Variants in SLC44A1 observed in about 807,000 individuals in gnomAD.
SLC44A1 encodes the protein solute carrier family 44 member 1, also known as choline transporter-like protein 1.
SLC44A1 carries 26 observed loss-of-function variants against 79.3 expected under a neutral mutation model. That is an observed-to-expected ratio of 0.33 (90% CI 0.24 to 0.46). The LOEUF is 0.46. SLC44A1 is among the 20% of genes least tolerant of loss of function. The probability of loss-of-function intolerance (pLI) is 1.00; values close to 1 mark genes in which losing one functional copy is unlikely to be tolerated. For missense variants in SLC44A1, 688 were observed against 798.1 expected (o/e 0.86, Z 1.66); for synonymous variants, 263 against 286.2 (o/e 0.92, Z 0.82).
At chr9:105,251,516 A>G (rs1314659775) in intron 1 of SLC44A1, among the ~76,000 whole-genome samples, 1 of 151,832 alleles carries the variant, frequency 6.6e-6, no homozygotes, top group Admixed American at 6.6e-5. Context: ...CCTACTTAAA[A>G]CCCTTTAATG....
rs371480286 is a variant in SLC44A1 at position 105,297,874 on chromosome 9, A to G, written c.37-1346A>G. 1.8e-4 allele frequency among the ~76,000 whole-genome samples: 27 copies of G among 152,210 alleles called. No individual in the cohort carries two copies. The East Asian group carries it at 2.3e-3, about 13-fold the overall frequency. ...CTTTCCTCCTGACAAGACTTTTCCA[A>G]ATAGCTTCCTGGATCTTGTCACGGA... is the stretch of plus-strand genomic sequence containing the variant. On this transcript the variant is annotated intron_variant, in intron 1 of 15. Coordinates refer to ENST00000374720, the MANE Select transcript of SLC44A1 (RefSeq NM_080546.5).
chr9:105,435,373 G>C (rs1038670030), intron 15 of SLC44A1, among the ~76,000 whole-genome samples: 1 of 152,196 alleles, frequency 6.6e-6, no homozygotes, highest in Non-Finnish European at 1.5e-5. Flanking sequence ...CGAGAAAGGA[G>C]TCAGCAAAGA....
At chr9:105,328,337 T>C (rs566814098) in intron 3 of SLC44A1, among the ~76,000 whole-genome samples, 2 of 152,266 alleles carry the variant, frequency 1.3e-5, no homozygotes, top group South Asian at 2.1e-4. Flanking sequence ...GAGTGGAAAG[T>C]TGGCGTTTTA....
At chr9:105,246,766 G>T (rs1057028518) in intron 1 of SLC44A1, among the ~76,000 whole-genome samples, 1 of 152,172 alleles carries the variant, frequency 6.6e-6, no homozygotes, top group Non-Finnish European at 1.5e-5. Context: ...AGCTTGTTCA[G>T]TGCATGAACA....
intron 4 of SLC44A1, among the ~76,000 whole-genome samples, chr9:105,340,048 A>G (rs1827039892): frequency 6.6e-6 from 1 of 152,202 alleles, no homozygotes; most frequent in Admixed American, 6.5e-5. Context: ...GGAGAGGGAA[A>G]AAGGGAGTTG....
At chr9:105,263,139 A>G (rs1829879674) in intron 1 of SLC44A1, among the ~76,000 whole-genome samples, 1 of 152,250 alleles carries the variant, frequency 6.6e-6, no homozygotes, top group African/African-American at 2.4e-5. Flanking sequence ...CTACCAAGGT[A>G]GCCATGAATT....
chr9:105,356,083 G>A (rs1827613781), intron 5 of SLC44A1, 129 bp from the exon 6 acceptor site: 1 of 699,848 alleles, frequency 1.4e-6, no homozygotes, highest in Non-Finnish European at 2.5e-6. Context: ...ACAGCTCTTA[G>A]CTCCCATAAT....
intron 13 of SLC44A1, among the ~76,000 whole-genome samples, chr9:105,378,349 C>A (rs1828358964): frequency 6.6e-6 from 1 of 152,210 alleles, no homozygotes; most frequent in African/African-American, 2.4e-5. Context: ...TAACACTTTT[C>A]TAACTATGGT....
chr9:105,396,411 C>A lies in SLC44A1; in HGVS notation c.*7355C>A. 2.0e-6 allele frequency: 2 copies of A among 985,400 alleles called. No homozygotes were observed. Among genetic ancestry groups the A allele is most frequent in the Non-Finnish European group, 2.4e-6 (2 of 829,936 alleles). 61.0% of individuals were successfully genotyped at this position (985,400 alleles called of 1,614,324 possible). On this transcript the variant is annotated 3_prime_UTR_variant, in exon 16 of 16. Coordinates refer to ENST00000374720, the MANE Select transcript of SLC44A1 (RefSeq NM_080546.5). Reference sequence around the variant, plus strand: ...CTTCAAAAAACAACCAAAGACAAAACCCTATCTTCTGAAGACCAAAGGTCC... The same window carrying A: ...CTTCAAAAAACAACCAAAGACAAAAACCTATCTTCTGAAGACCAAAGGTCC...
intron 15 of SLC44A1, among the ~76,000 whole-genome samples, chr9:105,419,024 T>G (rs551203623): frequency 5.3e-5 from 8 of 152,264 alleles, no homozygotes; most frequent in Middle Eastern, 3.4e-3. Flanking sequence ...GTTGGCAGAT[T>G]GTAACTGAAC....
In SLC44A1 at chr9:105,356,335, A is replaced by T; in HGVS notation, c.624A>T (p.Val208=). The T allele has an allele frequency of 6.2e-7, 1 of 1,607,496 alleles. No individual in the cohort carries two copies. The change falls in exon 6 of 16, where the codon GTA becomes GTT. Residue 208 remains valine (V), a synonymous_variant. Transcript: ENST00000374720. ...NSVLHRLISG[V]MTSKEIILGL... is the part of the protein sequence containing the mutation. The stretch of plus-strand genomic sequence containing the variant: ...TCTTACACAGGCTGATTAGTGGAGT[A>T]ATGACCAGCAAAGAAATTATATTGG...
chr9:105,260,575 A>C (rs187705057), intron 1 of SLC44A1, among the ~76,000 whole-genome samples: 25 of 152,338 alleles, frequency 1.6e-4, no homozygotes, highest in Admixed American at 5.2e-4. Flanking sequence ...AAAGTAGATA[A>C]ATTTCAAGTC....
chr9:105,334,316 G>A (rs2131356881), intron 3 of SLC44A1, among the ~76,000 whole-genome samples: 1 of 150,978 alleles, frequency 6.6e-6, no homozygotes, highest in African/African-American at 2.4e-5. Flanking sequence ...GCGCTGAAGT[G>A]TGCAGTGTTA....
chr9:105,391,672 A>T lies in SLC44A1; in HGVS notation c.*2616A>T, dbSNP rs1179003547. 1.0e-6 allele frequency: 1 copy of T among 985,232 alleles called. No individual in the cohort carries two copies. Among genetic ancestry groups the T allele is most frequent in the African/African-American group, 1.7e-5 (1 of 57,232 alleles). The allele number at this position is 985,232 out of a possible 1,614,324, so 61.0% of individuals were successfully genotyped here. A position where few individuals can be genotyped will look rare whatever the true frequency, so the allele number is the denominator to read the frequency against. ...TTGGATATTCCTGCTGCCTCTTTTC[A>T]TTCATTTCAAGTCATTCTTCAGCTA... On this transcript the variant is annotated 3_prime_UTR_variant, in exon 16 of 16. Transcript: ENST00000374720.
Position 105,381,265 on chromosome 9 carries a change from C to T in SLC44A1, c.1633-1858C>T, listed in dbSNP as rs111710092. Among the ~76,000 whole-genome samples the T allele has an allele frequency of 2.4e-3, 363 of 152,018 alleles. 4 individuals are homozygous for T. In the East Asian group the frequency reaches 0.031, roughly 13 times the overall value. The stretch of plus-strand genomic sequence containing the variant: ...GAAGAAAATTGAAGTAATGACCAGG[C>T]GCGGTGGCTCACACCTGTAATCCCA... On this transcript the variant is annotated intron_variant, in intron 13 of 15. Coordinates refer to ENST00000374720, the MANE Select transcript of SLC44A1 (RefSeq NM_080546.5).
At position 105,259,402 on chromosome 9, in the gene SLC44A1, G is replaced by A. The variant is rs951238292; in HGVS notation, c.36+14498G>A. On this transcript the variant is annotated intron_variant, in intron 1 of 15. Transcript: ENST00000374720. ...TTGAGTGCCAACAAGGCTCTGGAGA[G>A]CAGTAAGAGAGGAAAGGGTGAAGAA... Among the ~76,000 whole-genome samples, 4 of 152,206 alleles carry A rather than the reference G, an allele frequency of 2.6e-5. No homozygotes were observed. The South Asian group carries it at 8.3e-4, about 32-fold the overall frequency.
intron 15 of SLC44A1, among the ~76,000 whole-genome samples, chr9:105,403,195 T>C (rs1293564400): frequency 2.6e-5 from 4 of 152,096 alleles, no homozygotes; most frequent in Non-Finnish European, 4.4e-5. Flanking sequence ...ACTCTGGGAC[T>C]AATATGGTCA....
At chr9:105,357,314 A>G (rs1191343642) in intron 6 of SLC44A1, 2 of 152,200 alleles carry the variant, frequency 1.3e-5, no homozygotes, top group African/African-American at 2.4e-5. Flanking sequence ...TGGCTTTGCA[A>G]GTGGCCCAAA....
intron 4 of SLC44A1, among the ~76,000 whole-genome samples, chr9:105,337,168 G>A (rs1187480184): frequency 1.3e-5 from 2 of 152,094 alleles, no homozygotes; most frequent in South Asian, 2.1e-4. Context: ...GGTTTTTCCA[G>A]AATTTTAGAC....
Sources: gnomAD v4.1 joint callset for allele counts (sites outside exome capture counted in the v4.1 genomes callset) on GRCh38, gnomAD v4.1.1 for gene constraint, MANE v1.5 for transcripts, NCBI Gene and HGNC (gene_info 2026-07-23, HGNC 2026-07-21) for gene names.